The following RETSAT variants were observed in gnomAD, a reference collection of about 807,000 sequenced individuals.
RETSAT encodes the protein all-trans-retinol 13,14-reductase.
RETSAT carries 35 observed loss-of-function variants against 61.6 expected under a neutral mutation model. The observed-to-expected ratio is 0.57, with a 90% CI of 0.43 to 0.75. RETSAT has a LOEUF of 0.75. Among genes scored for constraint, RETSAT ranks in the 30% least tolerant of loss-of-function variants. RETSAT has a pLI of 0.00. For missense variants in RETSAT, 670 were observed against 759.5 expected, an observed-to-expected ratio of 0.88 and a Z score of 1.38; for synonymous variants, 277 against 310.4, an observed-to-expected ratio of 0.89 and a Z score of 1.13.
intron 5 of RETSAT, 118 bp from the exon 6 acceptor site, chr2:85,346,212 C>T (rs1225114912): frequency 2.9e-6 from 4 of 1,366,476 alleles, no homozygotes; most frequent in Non-Finnish European, 4.0e-6. Flanking sequence ...AGTCCAGCTA[C>T]CTAGACTCAG....
chr2:85,351,381 G>C (rs1198812744), intron 2 of RETSAT: 1 of 423,912 alleles, frequency 2.4e-6, no homozygotes, highest in East Asian at 4.4e-5. Context: ...AAAAAAATTA[G>C]CGGGGTGTGG....
At chr2:85,349,978 A>C in intron 4 of RETSAT, 62 bp downstream of exon 4, 2 of 1,488,582 alleles carry the variant, frequency 1.3e-6, no homozygotes, top group Non-Finnish European at 1.9e-6. Flanking sequence ...AGAAAGATTG[A>C]GAGATGAGAG....
rs1188724150 is a variant in RETSAT, at chr2:85,344,739, G to T, written c.1118-7C>A. 2 of 1,613,786 alleles carry T rather than the reference G, an allele frequency of 1.2e-6. No homozygotes were observed. The highest frequency in any genetic ancestry group is 3.3e-5 in the Admixed American group (2 of 59,982). ...CCCAGTTGCTGCTTCACACCTGCCA[G>T]GGGGAGTGGTTGGTGCCTGTGTGGA... On this transcript the variant is annotated splice_region_variant and splice_polypyrimidine_tract_variant and intron_variant, in intron 6 of 10. Transcript: ENST00000295802.
intron 10 of RETSAT, 63 bp from the exon 11 acceptor site, chr2:85,343,444 C>T: frequency 6.3e-7 from 1 of 1,576,658 alleles, no homozygotes; most frequent in South Asian, 1.1e-5. Context: ...AGGGTGGGGC[C>T]TTGGTGCTCT....
At chr2:85,353,040 T>C (rs918094992) in intron 1 of RETSAT, among the ~76,000 whole-genome samples, 3 of 152,074 alleles carry the variant, frequency 2.0e-5, no homozygotes, top group African/African-American at 7.2e-5. Context: ...GAGAGATCAA[T>C]AGTAAAAAAA....
At chr2:85,348,309 A>G (rs899876449) in intron 5 of RETSAT, among the ~76,000 whole-genome samples, 5 of 152,150 alleles carry the variant, frequency 3.3e-5, no homozygotes, top group African/African-American at 1.2e-4. Flanking sequence ...ATTTATAGAT[A>G]CAAAGATAAA....
Position 85,350,774 on chromosome 2 carries a change from T to C in RETSAT, c.597+6A>G. 3 of 1,614,210 alleles carry C rather than the reference T, an allele frequency of 1.9e-6. No individual in the cohort carries two copies. Among genetic ancestry groups the C allele is most frequent in the African/African-American group, 1.3e-5 (1 of 75,058 alleles). ...AAACTCTGGGTCCTCAGCATGTCCA[T>C]GTTACCTTAACCAGCTTTATATACT... On this transcript the variant is annotated splice_donor_region_variant and intron_variant, in intron 3 of 10. Coordinates refer to ENST00000295802, the MANE Select transcript of RETSAT (RefSeq NM_017750.4).
chr2:85,347,331 G>A (rs978911506), intron 5 of RETSAT, among the ~76,000 whole-genome samples: 3 of 152,124 alleles, frequency 2.0e-5, no homozygotes, highest in African/African-American at 7.2e-5. Context: ...CCAGGTTCAA[G>A]CAATTCTCCT....
At chr2:85,351,986 A>T in intron 1 of RETSAT, 124 bp from the exon 2 acceptor site, 1 of 823,978 alleles carries the variant, frequency 1.2e-6, no homozygotes, top group South Asian at 1.8e-5. Flanking sequence ...GGTTTGGCAC[A>T]GAACTCTTGA....
In RETSAT at chr2:85,350,162, C is replaced by T. The variant is rs150268408; in HGVS notation, c.677G>A (p.Gly226Glu). Residue 226 changes from glycine (G) to glutamate (E), a missense_variant, in exon 4 of 11, where the codon GGG (glycine) becomes GAG (glutamate). By Grantham distance (98) the Gly-to-Glu change is moderately conservative. Coordinates refer to ENST00000295802, the MANE Select transcript of RETSAT (RefSeq NM_017750.4). Reference sequence around the variant, plus strand: ...GAATGGAGAGAAACGAGTCAGCAGCCCACACCTGTCGAGGAGCTGAACCAC... The same window carrying T: ...GAATGGAGAGAAACGAGTCAGCAGCTCACACCTGTCGAGGAGCTGAACCAC... ...LPVVQLLDRCGLLTRFSPFLQ... is the reference protein window; with the variant it reads ...LPVVQLLDRCELLTRFSPFLQ... 101 of 1,613,912 alleles carry T rather than the reference C, an allele frequency of 6.3e-5. No homozygotes were observed. The African/African-American group carries it at 1.2e-3, about 19-fold the overall frequency.
chr2:85,350,887 G>C lies in RETSAT; in HGVS notation c.490C>G (p.Arg164Gly). 6.2e-7 allele frequency: 1 copy of C among 1,614,140 alleles called. No homozygotes were observed. Among genetic ancestry groups the C allele is most frequent in the Non-Finnish European group, 8.5e-7 (1 of 1,180,048 alleles). Residue 164 changes from arginine (R) to glycine (G), a missense_variant, in exon 3 of 11, where the codon CGA becomes GGA. Transcript: ENST00000295802. The stretch of plus-strand genomic sequence containing the variant: ...CCACTGTACATGGGGTACTCCTTTC[G>C]GCCATTGGGCCCTTCCAGTACCATG... ...DIMVLEGPNG[R>G]KEYPMYSGEK... is the part of the protein sequence containing the mutation.
intron 5 of RETSAT, among the ~76,000 whole-genome samples, chr2:85,347,177 C>T (rs143473132): frequency 4.6e-5 from 7 of 152,154 alleles, no homozygotes; most frequent in East Asian, 3.9e-4. Context: ...CCTGTTCCAC[C>T]GTGCTGTCTG....
chr2:85,345,190 A>T (rs1683172868), intron 6 of RETSAT, among the ~76,000 whole-genome samples: 1 of 152,162 alleles, frequency 6.6e-6, no homozygotes, highest in Admixed American at 6.5e-5. Context: ...AGCAGGCTGC[A>T]GGCTCAGCCA....
rs938375 is a variant in RETSAT, at chr2:85,346,696, G to A, written c.998-602C>T. On this transcript the variant is annotated intron_variant, in intron 5 of 10. Transcript: ENST00000295802. ...TTCAGCCCAGGAGTTAAATGCTACA[G>A]TAAGCTATGATGACACTACTGCACT... Among the ~76,000 whole-genome samples the A allele has an allele frequency of 1.9e-3, 290 of 152,238 alleles. 2 individuals carry two copies. Among genetic ancestry groups the A allele is most frequent in the African/African-American group, 6.6e-3 (276 of 41,534 alleles).
At chr2:85,344,917 T>C (rs1267675868) in intron 6 of RETSAT, among the ~76,000 whole-genome samples, 185 bp from the exon 7 acceptor site, 3 of 152,078 alleles carry the variant, frequency 2.0e-5, no homozygotes, top group South Asian at 2.1e-4. Context: ...GGAGGAAAAT[T>C]CATAGACAAG....
At chr2:85,345,284 C>A (rs1382140335) in intron 6 of RETSAT, among the ~76,000 whole-genome samples, 1 of 152,158 alleles carries the variant, frequency 6.6e-6, no homozygotes, top group Non-Finnish European at 1.5e-5. Flanking sequence ...CCACCCAGTC[C>A]CCATGCGGAA....
In RETSAT at chr2:85,344,034, C is replaced by T. The variant is rs561750963; in HGVS notation, c.1498G>A (p.Val500Met). Residue 500 changes from valine to methionine, a missense_variant, in exon 9 of 11, where the codon GTG becomes ATG. Transcript: ENST00000295802. ...KNSFVEASMSVVLKLFPQLEG... is the reference protein window; with the variant it reads ...KNSFVEASMSMVLKLFPQLEG... ...AGCTGTGGGAACAGTTTCAGGACCA[C>T]TGACATAGAGGCTTCCACAAAGGAG... 5.9e-5 allele frequency: 95 copies of T among 1,614,138 alleles called. No individual in the cohort carries two copies. In the South Asian group the frequency reaches 9.6e-4, roughly 16 times the overall value.
chr2:85,343,983 A>G lies in RETSAT; in HGVS notation c.1533+16T>C, dbSNP rs376625575. The G allele has an allele frequency of 1.6e-4, 258 of 1,613,290 alleles. No individual in the cohort carries two copies. The highest frequency in any genetic ancestry group is 1.9e-4 in the Non-Finnish European group (223 of 1,179,656). On this transcript the variant is annotated intron_variant, in intron 9 of 10. Coordinates refer to ENST00000295802, the MANE Select transcript of RETSAT (RefSeq NM_017750.4). Reference sequence around the variant, plus strand: ...ACCGTGAGGTTCGTCACCACCCCAAATACTTTACCCCCTACCTTCCCCTCC... The same window carrying G: ...ACCGTGAGGTTCGTCACCACCCCAAGTACTTTACCCCCTACCTTCCCCTCC...
At chr2:85,349,630 C>T (rs1369764494) in intron 4 of RETSAT, 49 bp from the exon 5 acceptor site, 1 of 1,503,434 alleles carries the variant, frequency 6.7e-7, no homozygotes, top group Non-Finnish European at 9.3e-7. Context: ...GGCACCAGCA[C>T]CATTCAGAAA....
Sources: allele counts gnomAD v4.1 joint callset (sites outside exome capture counted in the v4.1 genomes callset), GRCh38; gene constraint gnomAD v4.1.1; transcripts MANE v1.5; gene names NCBI Gene and HGNC (gene_info 2026-07-23, HGNC 2026-07-21).